The following IGF2BP3 variants were observed in gnomAD, a reference collection of about 807,000 sequenced individuals.
IGF2BP3 encodes insulin like growth factor 2 mRNA binding protein 3, also known as insulin-like growth factor 2 mRNA-binding protein 3.
A neutral mutation model predicts 73.8 loss-of-function variants in IGF2BP3; 9 were observed. The observed-to-expected ratio is 0.12, with a 90% CI of 0.07 to 0.21. The LOEUF (loss-of-function observed/expected upper bound fraction) is 0.21, where lower values mean the gene tolerates loss of function less well. Ranked by LOEUF, IGF2BP3 falls within the 10% of genes least tolerant of loss-of-function variation. IGF2BP3 has a pLI of 1.00. For missense variants in IGF2BP3, 542 were observed against 714.0 expected, an observed-to-expected ratio of 0.76 and a Z score of 2.75; for synonymous variants, 258 against 256.7, an observed-to-expected ratio of 1.01 and a Z score of -0.05.
intron 2 of IGF2BP3, among the ~76,000 whole-genome samples, chr7:23,454,683 G>A (rs778853489): frequency 5.3e-5 from 8 of 152,176 alleles, no homozygotes; most frequent in Non-Finnish European, 1.0e-4. Flanking sequence ...GGTTCCTACT[G>A]AGGCCTGTGT....
At chr7:23,400,361 G>A (rs1562728032) in intron 3 of IGF2BP3, among the ~76,000 whole-genome samples, 2 of 152,194 alleles carry the variant, frequency 1.3e-5, no homozygotes, top group African/African-American at 4.8e-5. Flanking sequence ...ATAATAAGCA[G>A]GTGGTTTTGG....
intron 5 of IGF2BP3, among the ~76,000 whole-genome samples, chr7:23,352,964 T>TG (rs1785005121): frequency 1.3e-5 from 2 of 152,212 alleles, no homozygotes; most frequent in Non-Finnish European, 1.5e-5. Flanking sequence ...TGTGTGTGTG[T>TG]GTTATGTTTT....
At chr7:23,359,212 C>T (rs909820085) in intron 5 of IGF2BP3, among the ~76,000 whole-genome samples, 1 of 152,168 alleles carries the variant, frequency 6.6e-6, no homozygotes, top group Non-Finnish European at 1.5e-5. Flanking sequence ...AGCAATAATT[C>T]TGCCTTGACT....
At chr7:23,332,132 G>A (rs1784461541) in intron 10 of IGF2BP3, among the ~76,000 whole-genome samples, 1 of 152,116 alleles carries the variant, frequency 6.6e-6, no homozygotes, top group African/African-American at 2.4e-5. Context: ...TACAATTCAA[G>A]ATGAGATTTG....
Position 23,312,203 on chromosome 7 carries a change from C to G in IGF2BP3, c.*159G>C, listed in dbSNP as rs1783850664. 1 of 556,704 alleles carries G rather than the reference C, an allele frequency of 1.8e-6. No homozygotes were observed. Among genetic ancestry groups the G allele is most frequent in the East Asian group, 3.1e-5 (1 of 32,726 alleles). 34.5% of individuals were successfully genotyped at this position (556,704 alleles called of 1,614,324 possible). On this transcript the variant is annotated 3_prime_UTR_variant, in exon 15 of 15. Transcript: ENST00000258729. ...AGAGAGCATAAAGTATACATTCTCA[C>G]AGAGACAGGAGTTCAAAAGTTGCCT...
At chr7:23,334,272 GA>G (rs1784517218) in intron 10 of IGF2BP3, among the ~76,000 whole-genome samples, 1 of 152,178 alleles carries the variant, frequency 6.6e-6, no homozygotes, top group Non-Finnish European at 1.5e-5. Context: ...AGGTTACAGT[GA>G]GCCAAGATCA....
chr7:23,352,785 A>C (rs1305630624), intron 5 of IGF2BP3, among the ~76,000 whole-genome samples: 1 of 152,128 alleles, frequency 6.6e-6, no homozygotes, highest in Non-Finnish European at 1.5e-5. Flanking sequence ...CTAATACCAT[A>C]GATTAATTCT....
At chr7:23,378,409 T>G (rs1042650248) in intron 3 of IGF2BP3, among the ~76,000 whole-genome samples, 1 of 148,384 alleles carries the variant, frequency 6.7e-6, no homozygotes, top group Admixed American at 6.6e-5. Flanking sequence ...TGGTTTTTTT[T>G]TGAGACAGAG....
intron 10 of IGF2BP3, among the ~76,000 whole-genome samples, chr7:23,323,050 T>A (rs867913752): frequency 6.6e-6 from 1 of 152,038 alleles, no homozygotes; most frequent in African/African-American, 2.4e-5. Flanking sequence ...CATAATGACA[T>A]GATCAAATTC....
intron 2 of IGF2BP3, among the ~76,000 whole-genome samples, chr7:23,424,082 C>T (rs1787428753): frequency 6.6e-6 from 1 of 152,146 alleles, no homozygotes; most frequent in Non-Finnish European, 1.5e-5. Flanking sequence ...TGCACCACTG[C>T]ACTCCAGCCT....
chr7:23,422,856 C>T (rs1390385674), intron 2 of IGF2BP3, among the ~76,000 whole-genome samples: 1 of 152,168 alleles, frequency 6.6e-6, no homozygotes, highest in Non-Finnish European at 1.5e-5. Flanking sequence ...AGTATAGTAG[C>T]GTAATCTCGG....
intron 5 of IGF2BP3, 96 bp downstream of exon 5, chr7:23,361,438 C>T: frequency 2.1e-6 from 2 of 935,452 alleles, no homozygotes; most frequent in South Asian, 1.5e-5. Context: ...TTTCTCTCTG[C>T]CACCTACCAG....
chr7:23,315,742 C>A (rs1783972220), intron 12 of IGF2BP3, among the ~76,000 whole-genome samples: 1 of 152,146 alleles, frequency 6.6e-6, no homozygotes, highest in Non-Finnish European at 1.5e-5. Flanking sequence ...ATACACTATC[C>A]TCCAAAACTG....
At chr7:23,463,440 T>A (rs76881572) in intron 2 of IGF2BP3, among the ~76,000 whole-genome samples, 14 of 152,078 alleles carry the variant, frequency 9.2e-5, no homozygotes, top group Non-Finnish European at 1.8e-4. Context: ...AGAAAAAAAA[T>A]TTAAGTCAAG....
chr7:23,451,887 G>A (rs142887269), intron 2 of IGF2BP3, among the ~76,000 whole-genome samples: 2,841 of 149,654 alleles, frequency 0.019, 47 homozygotes, highest in Non-Finnish European at 0.027. Context: ...GGCAGAGGCT[G>A]CAGTGAGCCA....
intron 3 of IGF2BP3, among the ~76,000 whole-genome samples, chr7:23,398,360 C>T (rs1786546775): frequency 1.3e-5 from 2 of 152,124 alleles, no homozygotes; most frequent in Non-Finnish European, 2.9e-5. Context: ...GTTAATAGTG[C>T]CACAATAAAC....
chr7:23,396,435 A>G, intron 3 of IGF2BP3: 1 of 172,446 alleles, frequency 5.8e-6, no homozygotes. Context: ...ACACACACAC[A>G]ATGCTAAGTC....
chr7:23,415,303 C>T (rs1363095817), intron 3 of IGF2BP3: 1 of 248,106 alleles, frequency 4.0e-6, no homozygotes, highest in African/African-American at 2.4e-5. Context: ...AGCATCACCA[C>T]ATCCGCAGGT....
intron 2 of IGF2BP3, among the ~76,000 whole-genome samples, chr7:23,421,836 G>A (rs898903018): frequency 2.6e-5 from 4 of 152,018 alleles, no homozygotes; most frequent in Non-Finnish European, 4.4e-5. Context: ...CCAGGCTGGA[G>A]TGCAGTGGCG....
Sources: allele counts gnomAD v4.1 joint callset (sites outside exome capture counted in the v4.1 genomes callset), GRCh38; gene constraint gnomAD v4.1.1; transcripts MANE v1.5; gene names NCBI Gene and HGNC (gene_info 2026-07-23, HGNC 2026-07-21).